Variants in CSMD3 observed in about 807,000 individuals in gnomAD.
CSMD3 encodes the protein CUB and sushi domain-containing protein 3.
CSMD3 carries 177 observed loss-of-function variants against 435.2 expected under a neutral mutation model. That is an observed-to-expected ratio of 0.41 (90% CI 0.36 to 0.46). The LOEUF is 0.46. CSMD3 is among the 20% of genes least tolerant of loss of function. The probability of loss-of-function intolerance (pLI) is 0.34; values close to 1 mark genes in which losing one functional copy is unlikely to be tolerated. For missense variants in CSMD3, 4,265 were observed against 4,504.6 expected, an observed-to-expected ratio of 0.95 and a Z score of 1.52; for synonymous variants, 1,656 against 1,520.5, an observed-to-expected ratio of 1.09 and a Z score of -2.07.
chr8:113,194,860 A>G (rs2131999455), intron 3 of CSMD3, among the ~76,000 whole-genome samples: 1 of 151,330 alleles, frequency 6.6e-6, no homozygotes, highest in African/African-American at 2.4e-5. Context: ...TAGCTTTCAC[A>G]TTGTTTAACT....
At chr8:113,150,084 T>C (rs982689787) in intron 4 of CSMD3, among the ~76,000 whole-genome samples, 1 of 151,986 alleles carries the variant, frequency 6.6e-6, no homozygotes, top group Admixed American at 6.6e-5. Context: ...ATAGGCAGCA[T>C]ATCTATAGTA....
intron 22 of CSMD3, among the ~76,000 whole-genome samples, chr8:112,594,423 C>T (rs1456619006): frequency 1.5e-4 from 23 of 152,204 alleles, no homozygotes; most frequent in East Asian, 1.9e-4. Context: ...AACTGCAAGG[C>T]GGCAGCCAGG....
At chr8:113,162,100 G>A (rs1172003385) in intron 4 of CSMD3, among the ~76,000 whole-genome samples, 3 of 152,144 alleles carry the variant, frequency 2.0e-5, no homozygotes, top group East Asian at 1.9e-4. Context: ...TGGAGCAGAA[G>A]GACACTGGCT....
At chr8:113,050,713 C>T (rs777837382) in intron 5 of CSMD3, among the ~76,000 whole-genome samples, 24 of 152,074 alleles carry the variant, frequency 1.6e-4, no homozygotes, top group Non-Finnish European at 2.9e-4. Context: ...ATGACTTATG[C>T]CCAGAAGAGA....
chr8:112,599,274 AT>A (rs1207710732), intron 22 of CSMD3, among the ~76,000 whole-genome samples: 15 of 151,894 alleles, frequency 9.9e-5, no homozygotes, highest in Middle Eastern at 6.8e-3. Context: ...AAAAATGCTC[AT>A]CACCACTGGC....
Position 112,784,890 on chromosome 8 carries a change from G to T in CSMD3, c.1972+15272C>A, listed in dbSNP as rs558257342. On this transcript the variant is annotated intron_variant, in intron 13 of 70. Coordinates refer to ENST00000297405, the MANE Select transcript of CSMD3 (RefSeq NM_198123.2). The stretch of plus-strand genomic sequence containing the variant: ...GTAGTCCAAAAAATAGAGGATGAGG[G>T]TATATGTCCAAACTCATTCTACAAG... Among the ~76,000 whole-genome samples, 12 of 151,892 alleles carry T rather than the reference G, an allele frequency of 7.9e-5. No individual in the cohort carries two copies. In the South Asian group the frequency reaches 2.5e-3, roughly 31 times the overall value.
intron 6 of CSMD3, among the ~76,000 whole-genome samples, chr8:112,997,939 C>CA (rs1456082260): frequency 1.3e-5 from 2 of 150,356 alleles, no homozygotes; most frequent in African/African-American, 4.9e-5. Flanking sequence ...GACTTGCATT[C>CA]AAATTTTGCC....
intron 4 of CSMD3, among the ~76,000 whole-genome samples, chr8:113,127,408 G>C (rs1265903491): frequency 3.3e-5 from 5 of 151,694 alleles, no homozygotes; most frequent in Admixed American, 6.6e-5. Flanking sequence ...AACATTTATT[G>C]AGTGCTGACT....
At chr8:112,520,240 T>C (rs1824130983) in intron 27 of CSMD3, among the ~76,000 whole-genome samples, 1 of 152,046 alleles carries the variant, frequency 6.6e-6, no homozygotes, top group Non-Finnish European at 1.5e-5. Context: ...ATTTAGAGCA[T>C]ATAGCATGCA....
At chr8:112,755,817 T>C (rs115789198) in intron 13 of CSMD3, among the ~76,000 whole-genome samples, 2,064 of 148,580 alleles carry the variant, frequency 0.014, 48 homozygotes, top group African/African-American at 0.048. Flanking sequence ...ATAATAAATA[T>C]ATAATAAATT....
intron 10 of CSMD3, among the ~76,000 whole-genome samples, chr8:112,905,677 T>C (rs984070899): frequency 6.6e-6 from 1 of 151,414 alleles, no homozygotes; most frequent in South Asian, 2.1e-4. Flanking sequence ...ACTTACTATA[T>C]ATGAGAATCC....
At chr8:113,330,158 T>C (rs2094016598) in intron 1 of CSMD3, among the ~76,000 whole-genome samples, 1 of 152,066 alleles carries the variant, frequency 6.6e-6, no homozygotes, top group Non-Finnish European at 1.5e-5. Context: ...CATTTAATAA[T>C]AAAATGCTAC....
At chr8:112,761,606 G>T (rs913705057) in intron 13 of CSMD3, among the ~76,000 whole-genome samples, 1 of 151,964 alleles carries the variant, frequency 6.6e-6, no homozygotes, top group African/African-American at 2.4e-5. Context: ...TTAAAAAGTT[G>T]TGAACCATAT....
Position 112,723,093 on chromosome 8 carries a change from C to T in CSMD3, c.1973-33043G>A, listed in dbSNP as rs114869776. On this transcript the variant is annotated intron_variant, in intron 13 of 70. Coordinates refer to ENST00000297405, the MANE Select transcript of CSMD3 (RefSeq NM_198123.2). Reference sequence around the variant, plus strand: ...TTGATAAAACGTAGTGTTAAATTGTCAGTTCAAAAATCTGAAAATCTTAAA... The same window carrying T: ...TTGATAAAACGTAGTGTTAAATTGTTAGTTCAAAAATCTGAAAATCTTAAA... Among the ~76,000 whole-genome samples the T allele has an allele frequency of 3.6e-3, 541 of 150,592 alleles. 7 individuals are homozygous for T. Among genetic ancestry groups the T allele is most frequent in the African/African-American group, 0.013 (518 of 41,132 alleles).
intron 2 of CSMD3, among the ~76,000 whole-genome samples, chr8:113,293,524 C>G (rs1210786140): frequency 6.6e-6 from 1 of 152,062 alleles, no homozygotes; most frequent in Non-Finnish European, 1.5e-5. Context: ...GGTCCTCCCC[C>G]ATTCCCATAT....
chr8:113,435,580 C>G (rs1158903630), intron 1 of CSMD3, among the ~76,000 whole-genome samples: 1 of 151,938 alleles, frequency 6.6e-6, no homozygotes, highest in Non-Finnish European at 1.5e-5. Flanking sequence ...CCCTGGCGCG[C>G]CTGGGCCAAA....
chr8:112,252,417 T>C (rs543241482), intron 63 of CSMD3, among the ~76,000 whole-genome samples: 30 of 152,006 alleles, frequency 2.0e-4, no homozygotes, highest in Non-Finnish European at 3.5e-4. Context: ...ACCTACACTC[T>C]GGGTTTGATG....
intron 30 of CSMD3, among the ~76,000 whole-genome samples, chr8:112,495,556 G>A (rs1821250462): frequency 2.0e-5 from 3 of 152,052 alleles, no homozygotes; most frequent in Non-Finnish European, 4.4e-5. Context: ...TAAATCCTTG[G>A]TGAATAGTTT....
At chr8:112,784,672 G>A (rs1587285742) in intron 13 of CSMD3, among the ~76,000 whole-genome samples, 1 of 151,834 alleles carries the variant, frequency 6.6e-6, no homozygotes, top group Non-Finnish European at 1.5e-5. Context: ...TAAAAGAAAT[G>A]AATCAATTAC....
Sources: allele counts gnomAD v4.1 joint callset (sites outside exome capture counted in the v4.1 genomes callset), GRCh38; gene constraint gnomAD v4.1.1; transcripts MANE v1.5; gene names NCBI Gene and HGNC (gene_info 2026-07-23, HGNC 2026-07-21).